The following LINGO2 variants were observed in gnomAD, a reference collection of about 807,000 sequenced individuals.
LINGO2 encodes the protein leucine-rich repeat and immunoglobulin-like domain-containing nogo receptor-interacting protein 2.
In LINGO2, 14 loss-of-function variants were observed where a neutral mutation model predicts 30.6. The ratio of observed to expected loss-of-function variants is 0.46; its 90% CI spans 0.30 to 0.72. LINGO2 has a LOEUF of 0.72. Among genes scored for constraint, LINGO2 ranks in the 30% least tolerant of loss-of-function variants. LINGO2 has a pLI of 0.07. For missense variants in LINGO2, 729 were observed against 751.7 expected (o/e 0.97, Z 0.35); for synonymous variants, 317 against 288.5 (o/e 1.10, Z -1.00).
intron 4 of LINGO2, among the ~76,000 whole-genome samples, chr9:28,221,976 A>G (rs762792788): frequency 6.6e-6 from 1 of 152,188 alleles, no homozygotes; most frequent in South Asian, 2.1e-4. Context: ...CACAACATTC[A>G]TTAGAAAATT....
At chr9:28,157,686 C>T (rs1828172706) in intron 4 of LINGO2, among the ~76,000 whole-genome samples, 1 of 152,148 alleles carries the variant, frequency 6.6e-6, no homozygotes, top group Non-Finnish European at 1.5e-5. Context: ...ACTTTAACAG[C>T]ACCCAAGTCA....
intron 5 of LINGO2, among the ~76,000 whole-genome samples, chr9:27,967,035 T>A (rs1027813216): frequency 6.6e-6 from 1 of 152,182 alleles, no homozygotes. Context: ...ATAATCTCTC[T>A]GGAGATTACC....
chr9:27,944,324 G>C (rs1274105260), downstream of LINGO2: 1 of 152,154 alleles, frequency 6.6e-6, no homozygotes, highest in Non-Finnish European at 1.5e-5. Context: ...TTGAGCTAAA[G>C]AGCACAGCAA....
In LINGO2 at chr9:28,658,638, C is replaced by T. The variant is rs150231313; in HGVS notation, c.-365+11562G>A. 9.1e-4 allele frequency among the ~76,000 whole-genome samples: 139 copies of T among 152,144 alleles called. 1 individual carries two copies. The highest frequency in any genetic ancestry group is 3.1e-3 in the African/African-American group (127 of 41,558). ...ATGTCCTTAGAACTAAAGTGTGTCT[C>T]TTACAGAAAGCATATAGTTGGATTT... is the stretch of plus-strand genomic sequence containing the variant. On this transcript the variant is annotated intron_variant, in intron 1 of 5. Transcript: ENST00000379992.
the LINGO2 span, among the ~76,000 whole-genome samples, chr9:29,152,533 T>C: frequency 2.6e-5 from 4 of 152,078 alleles, no homozygotes; most frequent in Non-Finnish European, 5.9e-5. Flanking sequence ...TTATCCCAAG[T>C]GAATTAACAC....
At chr9:28,844,104 G>A in the LINGO2 span, among the ~76,000 whole-genome samples, 9 of 151,928 alleles carry the variant, frequency 5.9e-5, 1 homozygote, top group Middle Eastern at 0.01. Context: ...GCTCATGACC[G>A]TAATCTCAGC....
intron 4 of LINGO2, among the ~76,000 whole-genome samples, chr9:28,095,970 T>C (rs912682062): frequency 1.3e-5 from 2 of 152,078 alleles, no homozygotes; most frequent in African/African-American, 2.4e-5. Context: ...TGAGATCCCA[T>C]CTCTACAAAA....
intron 3 of LINGO2, 40 bp from the exon 6 acceptor site, chr9:28,295,406 TA>T (rs1394955859): frequency 6.6e-4 from 100 of 152,576 alleles, no homozygotes; most frequent in African/African-American, 2.4e-3. Flanking sequence ...AATTGAAAAA[TA>T]GTGAACCGTG....
chr9:29,075,813 C>T, the LINGO2 span, among the ~76,000 whole-genome samples: 2 of 152,126 alleles, frequency 1.3e-5, no homozygotes, highest in Non-Finnish European at 2.9e-5. Flanking sequence ...AAGAAAGCTC[C>T]TTACATCAAA....
At chr9:29,026,630 C>CA in the LINGO2 span, among the ~76,000 whole-genome samples, 2 of 151,800 alleles carry the variant, frequency 1.3e-5, no homozygotes, top group Non-Finnish European at 2.9e-5. Flanking sequence ...AGAAAATATC[C>CA]AAAAATATTA....
the LINGO2 span, among the ~76,000 whole-genome samples, chr9:29,178,008 A>G: frequency 7.1e-6 from 1 of 141,008 alleles, no homozygotes; most frequent in Non-Finnish European, 1.6e-5. Context: ...TATCCCTTCC[A>G]TTTTTTTTTT....
intron 5 of LINGO2, among the ~76,000 whole-genome samples, chr9:28,012,052 C>T (rs1418431950): frequency 6.6e-6 from 1 of 152,132 alleles, no homozygotes; most frequent in Admixed American, 6.6e-5. Flanking sequence ...CTTCTGCCAG[C>T]TTTGTGTCAG....
the LINGO2 span, among the ~76,000 whole-genome samples, chr9:29,068,378 T>C: frequency 6.6e-6 from 1 of 151,812 alleles, no homozygotes; most frequent in East Asian, 1.9e-4. Context: ...GTAATCATTT[T>C]TTTAAACCAC....
At position 28,383,606 on chromosome 9, in the gene LINGO2, G is replaced by A. The variant is rs555679389; in HGVS notation, c.-278-10738C>T. Among the ~76,000 whole-genome samples the A allele has an allele frequency of 1.8e-4, 28 of 152,076 alleles. 1 individual carries two copies. The South Asian group carries it at 5.8e-3, about 32-fold the overall frequency. ...CCATAAATATATACAGGAAATTGGA[G>A]GTGAGTGAAATCCAGAGGGGTTTGT... On this transcript the variant is annotated intron_variant, in intron 2 of 5. Transcript: ENST00000379992.
chr9:28,172,031 A>AAAAAC (rs1554682046), intron 4 of LINGO2, among the ~76,000 whole-genome samples: 3 of 75,828 alleles, frequency 4.0e-5, no homozygotes, highest in African/African-American at 1.5e-4. Flanking sequence ...AAAAAAAAAA[A>AAAAAC]AACAAAAAAA....
the LINGO2 span, among the ~76,000 whole-genome samples, chr9:28,758,046 T>C: frequency 1.3e-5 from 2 of 152,046 alleles, no homozygotes; most frequent in African/African-American, 2.4e-5. Context: ...TGGTTCTCCA[T>C]GGAAGGATAA....
At chr9:28,290,672 A>G (rs969790158) in intron 4 of LINGO2, among the ~76,000 whole-genome samples, 1 of 152,194 alleles carries the variant, frequency 6.6e-6, no homozygotes, top group Non-Finnish European at 1.5e-5. Flanking sequence ...GGGGAGGGGC[A>G]AGGAAGCAAT....
intron 4 of LINGO2, among the ~76,000 whole-genome samples, chr9:28,271,871 C>T (rs1381876763): frequency 6.6e-6 from 1 of 152,154 alleles, no homozygotes; most frequent in Non-Finnish European, 1.5e-5. Flanking sequence ...AATAGAAAAA[C>T]AGTCCTTATC....
chr9:28,536,215 G>A (rs759869305), intron 1 of LINGO2, among the ~76,000 whole-genome samples: 47 of 152,040 alleles, frequency 3.1e-4, no homozygotes, highest in Non-Finnish European at 6.5e-4. Context: ...GAAAGTTTTA[G>A]AGATAAGATA....
Sources: allele counts gnomAD v4.1 joint callset (sites outside exome capture counted in the v4.1 genomes callset), GRCh38; gene constraint gnomAD v4.1.1; transcripts MANE v1.5; gene names NCBI Gene and HGNC (gene_info 2026-07-23, HGNC 2026-07-21).